The following THSD4 variants were observed in gnomAD, a reference collection of about 807,000 sequenced individuals.
THSD4 encodes the protein thrombospondin type 1 domain containing 4, also known as thrombospondin type-1 domain-containing protein 4.
Under a neutral mutation model 119.0 loss-of-function variants are expected in THSD4, and 69 were observed. The observed-to-expected ratio is 0.58, with a 90% CI of 0.48 to 0.71. The LOEUF is 0.71. Among genes scored for constraint, THSD4 ranks in the 30% least tolerant of loss-of-function variants. The pLI is 0.00. For synonymous variants in THSD4, 524 were observed against 540.4 expected, an observed-to-expected ratio of 0.97 and a Z score of 0.42; for missense variants, 1,393 against 1,391.1, an observed-to-expected ratio of 1.00 and a Z score of -0.02.
At chr15:71,748,731 A>G in intron 14 of THSD4, 137 bp downstream of exon 14, 1 of 1,118,382 alleles carries the variant, frequency 8.9e-7, no homozygotes, top group Non-Finnish European at 1.2e-6. Context: ...CCAGAGAGGA[A>G]TTATCGTAGG....
At chr15:71,250,394 G>A (rs887466144) in intron 5 of THSD4, among the ~76,000 whole-genome samples, 11 of 152,174 alleles carry the variant, frequency 7.2e-5, no homozygotes, top group African/African-American at 2.7e-4. Flanking sequence ...TTGGAGTGCA[G>A]CGGCATGATC....
chr15:71,199,474 G>A (rs1041344690), intron 3 of THSD4, among the ~76,000 whole-genome samples: 1 of 88,094 alleles, frequency 1.1e-5, no homozygotes, highest in South Asian at 3.6e-4. Context: ...TGTGTGTGTG[G>A]TGTGTGTGTG....
At chr15:71,106,027 A>T (rs2040273085) in intron 1 of THSD4, among the ~76,000 whole-genome samples, 1 of 152,196 alleles carries the variant, frequency 6.6e-6, no homozygotes, top group African/African-American at 2.4e-5. Context: ...TCCATAACAC[A>T]TTGCACTTGA....
intron 3 of THSD4, among the ~76,000 whole-genome samples, chr15:71,166,469 T>A (rs1468299908): frequency 6.6e-6 from 1 of 152,164 alleles, no homozygotes; most frequent in Non-Finnish European, 1.5e-5. Flanking sequence ...TGGTTTCTGG[T>A]CCTGTGAGGA....
intron 6 of THSD4, among the ~76,000 whole-genome samples, chr15:71,300,398 C>G (rs1331468934): frequency 1.3e-5 from 2 of 152,128 alleles, no homozygotes; most frequent in Non-Finnish European, 2.9e-5. Context: ...ATAGTAGTTT[C>G]TCTTCTGGTT....
chr15:71,572,997 T>C (rs1229911137), intron 7 of THSD4, among the ~76,000 whole-genome samples: 1 of 152,156 alleles, frequency 6.6e-6, no homozygotes, highest in East Asian at 1.9e-4. Context: ...AGGCCTTTGA[T>C]GCCCCACCAA....
chr15:71,538,674 A>G (rs538484325), intron 7 of THSD4, among the ~76,000 whole-genome samples: 9 of 152,312 alleles, frequency 5.9e-5, no homozygotes, highest in African/African-American at 1.9e-4. Context: ...CCTAATTCAT[A>G]AGTCTGGGAT....
intron 3 of THSD4, among the ~76,000 whole-genome samples, chr15:71,168,504 A>C (rs988515446): frequency 4.6e-5 from 7 of 152,232 alleles, no homozygotes; most frequent in Non-Finnish European, 1.0e-4. Context: ...TGAAAGCTAC[A>C]GGAACTAAAA....
intron 3 of THSD4, among the ~76,000 whole-genome samples, chr15:71,170,171 A>G (rs954139652): frequency 3.9e-5 from 6 of 152,156 alleles, no homozygotes; most frequent in Non-Finnish European, 8.8e-5. Flanking sequence ...AAAAAAGAAA[A>G]AGAGTCCAGC....
chr15:71,252,866 TATCATCATCATCATC>T (rs56093539), intron 5 of THSD4, among the ~76,000 whole-genome samples: 1 of 151,136 alleles, frequency 6.6e-6, no homozygotes, highest in Non-Finnish European at 1.5e-5. Context: ...AAAAGTTAGG[TATCATCATCATCATC>T]ATCATCATCA....
At chr15:71,415,775 A>T (rs1025982496) in intron 7 of THSD4, among the ~76,000 whole-genome samples, 7 of 152,114 alleles carry the variant, frequency 4.6e-5, no homozygotes, top group Non-Finnish European at 1.0e-4. Flanking sequence ...CAAATAAGTG[A>T]GAACATGCCA....
chr15:71,229,935 A>G (rs2044047087), intron 4 of THSD4, among the ~76,000 whole-genome samples: 1 of 152,274 alleles, frequency 6.6e-6, no homozygotes, highest in Non-Finnish European at 1.5e-5. Flanking sequence ...AGAAACATCC[A>G]GCATATGAGA....
At chr15:71,311,284 T>C (rs1515676) in intron 6 of THSD4, among the ~76,000 whole-genome samples, 151,638 of 152,348 alleles carry the variant, frequency 1, 75,468 homozygotes, top group Middle Eastern at 1. Context: ...CCTCTACTTA[T>C]ATTGCATTGG....
intron 7 of THSD4, among the ~76,000 whole-genome samples, chr15:71,640,043 G>A (rs2050825118): frequency 6.6e-6 from 1 of 151,980 alleles, no homozygotes; most frequent in Non-Finnish European, 1.5e-5. Flanking sequence ...TAGTATTGGG[G>A]GCTTATTGGA....
chr15:71,211,851 C>T (rs561082010), intron 3 of THSD4, among the ~76,000 whole-genome samples: 11 of 152,218 alleles, frequency 7.2e-5, no homozygotes, highest in Non-Finnish European at 1.2e-4. Flanking sequence ...TATAAAGCTT[C>T]GAGGTTCAAT....
At chr15:71,272,386 G>C (rs1308128112) in intron 6 of THSD4, among the ~76,000 whole-genome samples, 1 of 102,970 alleles carries the variant, frequency 9.7e-6, no homozygotes, top group African/African-American at 3.9e-5. Flanking sequence ...GACAAAGTGA[G>C]ACTCTGTCTC....
rs188056730 is a variant in THSD4 at position 71,400,280 on chromosome 15, G to A, written c.1016-11407G>A. Among the ~76,000 whole-genome samples the A allele has an allele frequency of 5.0e-3, 768 of 152,210 alleles. 5 individuals carry two copies. Among genetic ancestry groups the A allele is most frequent in the South Asian group, 0.014 (65 of 4,814 alleles). The stretch of plus-strand genomic sequence containing the variant: ...CATTTAAGCTTTAATAATGGAAAGC[G>A]CCCAAAACCTTTTCTTTTTCAGAAC... On this transcript the variant is annotated intron_variant, in intron 6 of 17. Transcript: ENST00000261862.
chr15:71,512,772 G>A (rs1184686536), intron 7 of THSD4, among the ~76,000 whole-genome samples: 1 of 151,690 alleles, frequency 6.6e-6, no homozygotes, highest in Non-Finnish European at 1.5e-5. Context: ...AAAGTATCCA[G>A]TATCCCAGCA....
chr15:71,547,655 C>T, intron 7 of THSD4: 8 of 728,398 alleles, frequency 1.1e-5, no homozygotes. Flanking sequence ...TTCTTTTCTT[C>T]TTGAAGAATT....
Sources: gnomAD v4.1 joint callset for allele counts (sites outside exome capture counted in the v4.1 genomes callset) on GRCh38, gnomAD v4.1.1 for gene constraint, MANE v1.5 for transcripts, NCBI Gene and HGNC (gene_info 2026-07-23, HGNC 2026-07-21) for gene names.